AOAH: variants seen among roughly 807,000 people sequenced by gnomAD.
AOAH encodes acyloxyacyl hydrolase (neutrophil).
A neutral mutation model predicts 92.2 loss-of-function variants in AOAH; 64 were observed. The ratio of observed to expected loss-of-function variants is 0.69; its 90% CI spans 0.57 to 0.86. The LOEUF (loss-of-function observed/expected upper bound fraction) is 0.86, where lower values mean the gene tolerates loss of function less well. Among genes scored for constraint, AOAH ranks in the 40% least tolerant of loss-of-function variants. AOAH has a pLI of 0.00. For missense variants in AOAH, 656 were observed against 694.6 expected (o/e 0.94, Z 0.62); for synonymous variants, 263 against 254.5 (o/e 1.03, Z -0.32).
intron 4 of AOAH, among the ~76,000 whole-genome samples, chr7:36,657,746 T>G (rs1383419763): frequency 1.3e-5 from 2 of 152,102 alleles, no homozygotes; most frequent in African/African-American, 4.8e-5. Context: ...GCAGTCGAAA[T>G]TTTACAGAGT....
chr7:36,706,361 C>T (rs1562716286), intron 1 of AOAH, among the ~76,000 whole-genome samples: 2 of 152,096 alleles, frequency 1.3e-5, no homozygotes, highest in African/African-American at 2.4e-5. Flanking sequence ...AGCAGTAGGT[C>T]TCCACAGTGA....
intron 11 of AOAH, 91 bp from the exon 12 acceptor site, chr7:36,594,521 T>A: frequency 9.4e-7 from 1 of 1,066,124 alleles, no homozygotes; most frequent in East Asian, 2.5e-5. Flanking sequence ...TTGCTCTCTG[T>A]GTGTCTGTTT....
chr7:36,724,059 C>A lies in AOAH; in HGVS notation c.90G>T (p.Gln30His), dbSNP rs1184957073. ...QSSASPANDD[Q>H]SRPSLSNGHT... ...GCCCATTCGAGAGGCTGGGCCTGGA[C>A]TGGTCATCGTTGGCTGGAGAGGCCG... Residue 30 changes from glutamine to histidine, a missense_variant, in exon 1 of 21, where the codon CAG becomes CAT. Transcript: ENST00000617537. The A allele has an allele frequency of 6.2e-7, 1 of 1,613,754 alleles. No individual in the cohort carries two copies. The highest frequency in any genetic ancestry group is 1.1e-5 in the South Asian group (1 of 91,076).
chr7:36,596,972 C>CTGTATATTTT (rs1790171845), intron 11 of AOAH, among the ~76,000 whole-genome samples: 1 of 152,130 alleles, frequency 6.6e-6, no homozygotes, highest in Non-Finnish European at 1.5e-5. Flanking sequence ...CCCATGATAT[C>CTGTATATTTT]CTGTATATTT....
chr7:36,634,062 G>A, intron 5 of AOAH, among the ~76,000 whole-genome samples: 1 of 152,172 alleles, frequency 6.6e-6, no homozygotes, highest in East Asian at 1.9e-4. Context: ...GGGCGGAGGA[G>A]GGTGATGGTG....
At chr7:36,700,890 A>G (rs1797988647) in intron 1 of AOAH, among the ~76,000 whole-genome samples, 1 of 152,022 alleles carries the variant, frequency 6.6e-6, no homozygotes, top group Non-Finnish European at 1.5e-5. Flanking sequence ...CTAGCATAAG[A>G]TGATATCTCA....
intron 13 of AOAH, among the ~76,000 whole-genome samples, chr7:36,552,147 G>T (rs1786309075): frequency 6.6e-6 from 1 of 152,056 alleles, no homozygotes; most frequent in Non-Finnish European, 1.5e-5. Flanking sequence ...CATCACCTAG[G>T]TATTAAGCCC....
At chr7:36,524,020 G>T (rs906646374) in intron 19 of AOAH, among the ~76,000 whole-genome samples, 1 of 152,042 alleles carries the variant, frequency 6.6e-6, no homozygotes, top group African/African-American at 2.4e-5. Flanking sequence ...CCCGGGCCAG[G>T]TGAAATGTCA....
chr7:36,716,203 C>T (rs1223089692), intron 1 of AOAH, among the ~76,000 whole-genome samples: 1 of 152,194 alleles, frequency 6.6e-6, no homozygotes, highest in Non-Finnish European at 1.5e-5. Flanking sequence ...GACATTTATG[C>T]AGCCAAAAGA....
intron 11 of AOAH, among the ~76,000 whole-genome samples, chr7:36,596,891 C>T (rs1462081548): frequency 6.6e-6 from 1 of 152,132 alleles, no homozygotes; most frequent in Non-Finnish European, 1.5e-5. Context: ...AAGACATGAA[C>T]CCCTTTACTA....
At chr7:36,705,615 C>T (rs908938421) in intron 1 of AOAH, among the ~76,000 whole-genome samples, 1 of 152,098 alleles carries the variant, frequency 6.6e-6, no homozygotes, top group Non-Finnish European at 1.5e-5. Flanking sequence ...ACTTTCTTCA[C>T]AGAATTAGAA....
intron 12 of AOAH, among the ~76,000 whole-genome samples, chr7:36,580,769 T>C (rs1788876852): frequency 2.0e-5 from 3 of 152,224 alleles, no homozygotes; most frequent in Non-Finnish European, 4.4e-5. Context: ...CAAGATGAGC[T>C]GTCTGGGCCT....
intron 12 of AOAH, among the ~76,000 whole-genome samples, chr7:36,593,594 C>T (rs568504043): frequency 2.0e-4 from 31 of 152,296 alleles, no homozygotes; most frequent in African/African-American, 7.0e-4. Context: ...CACATGGAAG[C>T]CATTCATTTG....
intron 12 of AOAH, among the ~76,000 whole-genome samples, chr7:36,586,856 C>A (rs923995027): frequency 3.3e-5 from 5 of 152,090 alleles, no homozygotes; most frequent in Admixed American, 1.3e-4. Flanking sequence ...CAAAACCCTC[C>A]AAGAATGGCA....
intron 1 of AOAH, among the ~76,000 whole-genome samples, chr7:36,692,152 A>C (rs1158061209): frequency 6.6e-6 from 1 of 152,194 alleles, no homozygotes; most frequent in Non-Finnish European, 1.5e-5. Context: ...ACATCTGGCA[A>C]AAGTGTCATG....
At chr7:36,515,438 C>T (rs1298128682) in intron 20 of AOAH, among the ~76,000 whole-genome samples, 22 of 125,992 alleles carry the variant, frequency 1.7e-4, no homozygotes, top group Non-Finnish European at 3.1e-4. Context: ...ACACACCACA[C>T]ACAAACACCA....
At chr7:36,639,488 A>G (rs1793751059) in intron 4 of AOAH, among the ~76,000 whole-genome samples, 1 of 152,214 alleles carries the variant, frequency 6.6e-6, no homozygotes, top group African/African-American at 2.4e-5. Context: ...CTCAGTAAAC[A>G]TGGAAATAAA....
At chr7:36,599,041 A>G (rs753498422) in intron 11 of AOAH, among the ~76,000 whole-genome samples, 3 of 152,236 alleles carry the variant, frequency 2.0e-5, no homozygotes, top group South Asian at 2.1e-4. Flanking sequence ...AGTGAGTGTT[A>G]GATCACTACC....
intron 10 of AOAH, among the ~76,000 whole-genome samples, chr7:36,617,679 T>G (rs1466689038): frequency 6.6e-6 from 1 of 152,234 alleles, no homozygotes; most frequent in Non-Finnish European, 1.5e-5. Flanking sequence ...CCATCAAGTG[T>G]TGGCATCACC....
Sources: allele counts gnomAD v4.1 joint callset (sites outside exome capture counted in the v4.1 genomes callset), GRCh38; gene constraint gnomAD v4.1.1; transcripts MANE v1.5; gene names NCBI Gene and HGNC (gene_info 2026-07-23, HGNC 2026-07-21).